Variants in UTRN observed in about 807,000 individuals in gnomAD.
UTRN encodes the protein dystrophin-related protein 1.
A neutral mutation model predicts 463.9 loss-of-function variants in UTRN; 283 were observed. That is an observed-to-expected ratio of 0.61 (90% CI 0.55 to 0.67). UTRN has a LOEUF of 0.67. Ranked by LOEUF, UTRN falls within the 30% of genes least tolerant of loss-of-function variation. The pLI, the probability that UTRN is intolerant of heterozygous loss-of-function variation, is 0.00. For synonymous variants in UTRN, 1,442 were observed against 1,431.5 expected, an observed-to-expected ratio of 1.01 and a Z score of -0.17; for missense variants, 3,922 against 4,084.3, an observed-to-expected ratio of 0.96 and a Z score of 1.08.
chr6:144,555,040 A>G, intron 49 of UTRN, 147 bp downstream of exon 49: 1 of 1,066,788 alleles, frequency 9.4e-7, no homozygotes, highest in Non-Finnish European at 1.3e-6. Flanking sequence ...GAAGAATTTG[A>G]TCTGGAAGAT....
chr6:144,846,135 C>CT (rs1781992789), intron 73 of UTRN, among the ~76,000 whole-genome samples: 1 of 152,158 alleles, frequency 6.6e-6, no homozygotes, highest in African/African-American at 2.4e-5. Context: ...AGTGGCTGCC[C>CT]TTGCAAAGCC....
intron 51 of UTRN, among the ~76,000 whole-genome samples, chr6:144,666,160 G>C (rs774709833): frequency 6.6e-6 from 1 of 152,132 alleles, no homozygotes; most frequent in African/African-American, 2.4e-5. Flanking sequence ...AGCATTTGAC[G>C]CCACATCAGG....
At chr6:144,502,500 A>T (rs984233173) in intron 34 of UTRN, among the ~76,000 whole-genome samples, 1 of 152,094 alleles carries the variant, frequency 6.6e-6, no homozygotes, top group Non-Finnish European at 1.5e-5. Flanking sequence ...ATGAGTGAGA[A>T]TATGTGGTGT....
rs751931181 is a variant in UTRN at position 144,423,964 on chromosome 6, GTTTT to G, written c.313-19_313-16del. 2.5e-5 allele frequency: 40 copies of G among 1,605,104 alleles called. No homozygotes were observed. The highest frequency in any genetic ancestry group is 2.5e-4 in the South Asian group (22 of 89,216). On this transcript the variant is annotated intron_variant, in intron 5 of 74. Transcript: ENST00000367545. ...TTGTCTTAAAAGCGTTTTTGTTTTT[GTTTT>G]TTGTTTTGTCTTAATAGGTGGAATT...
At chr6:144,422,005 C>T (rs749376508) in intron 4 of UTRN, 35 bp downstream of exon 4, 16 of 1,562,398 alleles carry the variant, frequency 1.0e-5, no homozygotes, top group Admixed American at 3.5e-5. Context: ...ACGGAGTCTC[C>T]GGTCATTGCT....
chr6:144,744,604 T>TACACAC (rs554895139), intron 54 of UTRN, among the ~76,000 whole-genome samples: 1 of 103,206 alleles, frequency 9.7e-6, no homozygotes, highest in African/African-American at 5.6e-5. Flanking sequence ...TGACAGGGCA[T>TACACAC]ACACACACAC....
At chr6:144,776,289 A>G (rs1272810831) in intron 60 of UTRN, among the ~76,000 whole-genome samples, 4 of 152,260 alleles carry the variant, frequency 2.6e-5, no homozygotes, top group Middle Eastern at 3.4e-3. Flanking sequence ...CCAGTAGTTT[A>G]TGATTGCCTG....
chr6:144,633,900 C>T (rs1321942230), intron 51 of UTRN, among the ~76,000 whole-genome samples: 1 of 152,202 alleles, frequency 6.6e-6, no homozygotes, highest in African/African-American at 2.4e-5. Context: ...CTGGTAATCT[C>T]AAGCATGATT....
intron 2 of UTRN, among the ~76,000 whole-genome samples, chr6:144,346,103 G>A (rs1306964515): frequency 6.6e-6 from 1 of 151,798 alleles, no homozygotes; most frequent in African/African-American, 2.4e-5. Context: ...ACTTGAACCT[G>A]GGAGGTGGAG....
intron 74 of UTRN, among the ~76,000 whole-genome samples, chr6:144,847,806 A>C (rs879757284): frequency 6.6e-6 from 1 of 152,022 alleles, no homozygotes; most frequent in Non-Finnish European, 1.5e-5. Flanking sequence ...TTTTTGTGTG[A>C]CTCAGTTCCC....
At chr6:144,815,055 T>C (rs1358554612) in intron 65 of UTRN, among the ~76,000 whole-genome samples, 2 of 152,224 alleles carry the variant, frequency 1.3e-5, no homozygotes, top group Non-Finnish European at 2.9e-5. Flanking sequence ...ATAAGGAAGC[T>C]GTTGAAGACT....
At chr6:144,721,263 A>G (rs1436587195) in intron 53 of UTRN, among the ~76,000 whole-genome samples, 1 of 152,128 alleles carries the variant, frequency 6.6e-6, no homozygotes, top group Non-Finnish European at 1.5e-5. Context: ...CTAGGCTGGA[A>G]TGCAGTGGCA....
intron 2 of UTRN, among the ~76,000 whole-genome samples, chr6:144,364,633 A>T (rs1779358841): frequency 6.6e-6 from 1 of 152,200 alleles, no homozygotes; most frequent in Non-Finnish European, 1.5e-5. Context: ...ATTGTTTCAA[A>T]TTAGCACAAA....
intron 66 of UTRN, among the ~76,000 whole-genome samples, chr6:144,821,941 C>A (rs1418395056): frequency 6.6e-6 from 1 of 151,982 alleles, no homozygotes; most frequent in Non-Finnish European, 1.5e-5. Flanking sequence ...GAGAAAGACA[C>A]CGTCTCAGAT....
At chr6:144,827,711 G>A in intron 68 of UTRN, 35 bp downstream of exon 68, 2 of 1,598,076 alleles carry the variant, frequency 1.3e-6, no homozygotes, top group Middle Eastern at 1.7e-4. Flanking sequence ...CCACTGCACT[G>A]CCACCCAGAA....
intron 51 of UTRN, among the ~76,000 whole-genome samples, chr6:144,657,045 G>A (rs187033488): frequency 1.0e-3 from 154 of 152,294 alleles, no homozygotes; most frequent in Middle Eastern, 3.4e-3. Context: ...GAGGTCAGGA[G>A]TTCGAGACCA....
At chr6:144,330,878 G>A in intron 2 of UTRN, 1 of 985,370 alleles carries the variant, frequency 1.0e-6, no homozygotes, top group Non-Finnish European at 1.2e-6. Context: ...CCAGCCGAGG[G>A]GTACACATCC....
chr6:144,650,067 G>A (rs562102259), intron 51 of UTRN, among the ~76,000 whole-genome samples: 9 of 152,286 alleles, frequency 5.9e-5, no homozygotes, highest in African/African-American at 2.2e-4. Flanking sequence ...TCACAATCAT[G>A]GCAGAAGGCA....
rs143517069 is a variant in UTRN at position 144,843,233 on chromosome 6, A to G, written c.10270+2401A>G. On this transcript the variant is annotated intron_variant, in intron 73 of 74. Transcript: ENST00000367545. ...ATGGACATTTTCAATTGTAAAAGTC[A>G]GTTGGCAGTGACAGCCAGGATGGGA... 3.6e-3 allele frequency among the ~76,000 whole-genome samples: 541 copies of G among 152,220 alleles called. 3 individuals are homozygous for G. The highest frequency in any genetic ancestry group is 0.011 in the African/African-American group (442 of 41,552).
Sources: allele counts gnomAD v4.1 joint callset (sites outside exome capture counted in the v4.1 genomes callset), GRCh38; gene constraint gnomAD v4.1.1; transcripts MANE v1.5; gene names NCBI Gene and HGNC (gene_info 2026-07-23, HGNC 2026-07-21).